PVT1: variants seen among roughly 807,000 people sequenced by gnomAD.
PVT1 encodes CXCR4/PVT1 fusion.
intron 2 of PVT1, among the ~76,000 whole-genome samples, chr8:127,888,169 T>C (rs907576201): frequency 1.3e-5 from 2 of 151,604 alleles, no homozygotes; most frequent in African/African-American, 4.8e-5. Context: ...CTCGATCTCC[T>C]GACCTCGTGA....
chr8:127,871,777 C>T (rs956076428), intron 2 of PVT1, among the ~76,000 whole-genome samples: 1 of 152,170 alleles, frequency 6.6e-6, no homozygotes, highest in Non-Finnish European at 1.5e-5. Context: ...GTACAGTCCA[C>T]AATAATATAT....
intron 3 of PVT1, among the ~76,000 whole-genome samples, chr8:127,895,401 G>T (rs899128274): frequency 5.9e-5 from 9 of 152,110 alleles, no homozygotes; most frequent in African/African-American, 1.7e-4. Flanking sequence ...AATCTGGGAG[G>T]CGGAGGTTGC....
intron 2 of PVT1, among the ~76,000 whole-genome samples, chr8:127,816,170 A>G (rs1442341224): frequency 6.6e-6 from 1 of 152,184 alleles, no homozygotes; most frequent in African/African-American, 2.4e-5. Flanking sequence ...GTTGGGAGGC[A>G]TATTGGTAAG....
chr8:127,903,882 T>G (rs952814400), intron 3 of PVT1, among the ~76,000 whole-genome samples: 7 of 152,252 alleles, frequency 4.6e-5, no homozygotes, highest in African/African-American at 1.7e-4. Context: ...TTGTTCTTAT[T>G]TCTTAGAATT....
intron 4 of PVT1, among the ~76,000 whole-genome samples, chr8:128,022,141 C>G (rs909537430): frequency 2.6e-5 from 4 of 152,188 alleles, no homozygotes; most frequent in African/African-American, 7.2e-5. Context: ...TTGGCCTTTT[C>G]TTTCCTATGT....
intron 2 of PVT1, among the ~76,000 whole-genome samples, chr8:127,854,456 C>T (rs1815141208): frequency 6.6e-6 from 1 of 152,206 alleles, no homozygotes; most frequent in South Asian, 2.1e-4. Flanking sequence ...CTGGGCTTTC[C>T]TGTCCCTCAG....
intron 2 of PVT1, among the ~76,000 whole-genome samples, chr8:127,817,373 AAATATATATATCTATTT>A (rs1814672985): frequency 9.4e-6 from 1 of 106,456 alleles, no homozygotes; most frequent in Non-Finnish European, 1.9e-5. Context: ...ATATCTATTT[AAATATATATATCTATTT>A]AATATATATT....
chr8:128,070,058 C>T (rs971773302), intron 4 of PVT1: 1 of 152,052 alleles, frequency 6.6e-6, no homozygotes, highest in African/African-American at 2.4e-5. Flanking sequence ...TGAGGATCCT[C>T]CCTGTCTTGT....
intron 3 of PVT1, among the ~76,000 whole-genome samples, chr8:127,893,903 G>A (rs1815641956): frequency 6.6e-6 from 1 of 152,214 alleles, no homozygotes; most frequent in African/African-American, 2.4e-5. Context: ...GTTAGATGGT[G>A]GGTGCTGGTG....
In PVT1 at chr8:127,988,369, A is replaced by G. The variant is rs906373982; in HGVS notation, n.783-793A>G. ...AGGGCACCGTACTGTAAATGTATGA[A>G]TGGGGTTTTCTGTGGGGGCCACACC... On this transcript the variant is annotated intron_variant and non_coding_transcript_variant, in intron 3 of 10. Coordinates refer to ENST00000651587, the Ensembl canonical transcript of PVT1. Among the ~76,000 whole-genome samples the G allele has an allele frequency of 2.6e-5, 4 of 152,162 alleles. No individual in the cohort carries two copies. In the East Asian group the frequency reaches 7.7e-4, roughly 29 times the overall value.
At chr8:128,031,422 G>A (rs939353710) in intron 4 of PVT1, among the ~76,000 whole-genome samples, 4 of 152,330 alleles carry the variant, frequency 2.6e-5, no homozygotes, top group South Asian at 4.1e-4. Flanking sequence ...GGTATGGGGT[G>A]TAGGGAGGCA....
chr8:127,831,679 G>A (rs1023704969), intron 2 of PVT1, among the ~76,000 whole-genome samples: 7 of 152,164 alleles, frequency 4.6e-5, no homozygotes, highest in Admixed American at 2.6e-4. Context: ...AAAACATGCC[G>A]GGAGCCTAGA....
chr8:128,012,066 G>A (rs1817320702), intron 4 of PVT1, among the ~76,000 whole-genome samples: 1 of 152,180 alleles, frequency 6.6e-6, no homozygotes, highest in African/African-American at 2.4e-5. Context: ...TCTTATTTGT[G>A]GAGCACATTA....
chr8:128,050,399 CA>C (rs1813675702), intron 4 of PVT1, among the ~76,000 whole-genome samples: 1 of 152,222 alleles, frequency 6.6e-6, no homozygotes, highest in African/African-American at 2.4e-5. Flanking sequence ...TCAGACCTCT[CA>C]GGGGGCATTA....
intron 3 of PVT1, among the ~76,000 whole-genome samples, chr8:127,893,012 A>G (rs529426587): frequency 6.6e-6 from 1 of 152,196 alleles, no homozygotes; most frequent in African/African-American, 2.4e-5. Context: ...AGAACAACCC[A>G]ATTGTGGTGG....
chr8:127,943,929 G>GA (rs1466877281), intron 3 of PVT1, among the ~76,000 whole-genome samples: 1 of 152,090 alleles, frequency 6.6e-6, no homozygotes, highest in Non-Finnish European at 1.5e-5. Flanking sequence ...ACATGTGGGA[G>GA]AAAAAAATCA....
chr8:127,958,890 A>G (rs1816603581), intron 3 of PVT1, among the ~76,000 whole-genome samples: 1 of 152,188 alleles, frequency 6.6e-6, no homozygotes, highest in Non-Finnish European at 1.5e-5. Context: ...TTGAACTCAC[A>G]GAGTCCTCCT....
At chr8:127,825,978 G>C (rs1044474014) in intron 2 of PVT1, among the ~76,000 whole-genome samples, 2 of 144,732 alleles carry the variant, frequency 1.4e-5, no homozygotes, top group Non-Finnish European at 3.0e-5. Flanking sequence ...AGCCTCCTCA[G>C]TTGCTGGGAC....
In PVT1 at chr8:128,036,119, C is replaced by T. The variant is rs571770587; in HGVS notation, n.913-34041C>T. On this transcript the variant is annotated intron_variant and non_coding_transcript_variant, in intron 4 of 10. Transcript: ENST00000651587. ...AGGAGACTGAATGGCTCAGTGGTTC[C>T]GAGGTAGATCCCTGGAGTCCCAGTG... Among the ~76,000 whole-genome samples the T allele has an allele frequency of 1.7e-3, 260 of 152,294 alleles. 1 individual carries two copies. The highest frequency in any genetic ancestry group is 6.8e-3 in the Middle Eastern group (2 of 294).
Sources: allele counts gnomAD v4.1 joint callset (sites outside exome capture counted in the v4.1 genomes callset), GRCh38; gene constraint gnomAD v4.1.1; transcripts MANE v1.5; gene names NCBI Gene and HGNC (gene_info 2026-07-23, HGNC 2026-07-21).